Variants in PKNOX1 observed in about 807,000 individuals in gnomAD.
PKNOX1 encodes PBX/knotted 1 homeobox 1, also known as homeobox protein PKNOX1.
In PKNOX1, 15 loss-of-function variants were observed where a neutral mutation model predicts 51.9. The observed-to-expected ratio is 0.29, with a 90% CI of 0.19 to 0.45. PKNOX1 has a LOEUF of 0.45. PKNOX1 is among the 20% of genes least tolerant of loss of function. The pLI is 1.00. For synonymous variants in PKNOX1, 219 were observed against 211.1 expected, an observed-to-expected ratio of 1.04 and a Z score of -0.32; for missense variants, 462 against 547.5, an observed-to-expected ratio of 0.84 and a Z score of 1.56.
chr21:42,995,583 T>TG (rs1282027606), intron 1 of PKNOX1, among the ~76,000 whole-genome samples: 1 of 138,486 alleles, frequency 7.2e-6, no homozygotes, highest in Non-Finnish European at 1.7e-5. Context: ...GAGACTGAAG[T>TG]GTGAGGATTG....
At chr21:43,019,306 T>C (rs56704586) in intron 7 of PKNOX1, among the ~76,000 whole-genome samples, 132,970 of 148,536 alleles carry the variant, frequency 0.9, 59,617 homozygotes, top group Non-Finnish European at 0.91. Flanking sequence ...GCAGGAGAAT[T>C]GCTTGACCTG....
rs1169934237 is a variant in PKNOX1 at position 43,031,187 on chromosome 21, A to T, written c.*1086A>T. 1 of 152,692 alleles carries T rather than the reference A, an allele frequency of 6.5e-6. No homozygotes were observed. The highest frequency in any genetic ancestry group is 2.4e-5 in the African/African-American group (1 of 41,464). 9.5% of individuals were successfully genotyped at this position (152,692 alleles called of 1,614,324 possible). ...AAAATATGTTATGCACAGAATGTTT[A>T]TTATAAACTAATATAAAATGTGCTC... On this transcript the variant is annotated 3_prime_UTR_variant, in exon 11 of 11. Transcript: ENST00000291547.
At chr21:43,017,194 G>A (rs763942865) in intron 6 of PKNOX1, 187 bp downstream of exon 6, 28 of 391,036 alleles carry the variant, frequency 7.2e-5, no homozygotes, top group Admixed American at 2.9e-4. Flanking sequence ...TATGCAGATT[G>A]TGTTTCTTTG....
intron 5 of PKNOX1, among the ~76,000 whole-genome samples, chr21:43,014,251 G>A (rs1043535182): frequency 1.3e-5 from 2 of 152,024 alleles, no homozygotes; most frequent in African/African-American, 2.4e-5. Context: ...TCGATCTCCT[G>A]ACCTCGTGAT....
intron 1 of PKNOX1, among the ~76,000 whole-genome samples, chr21:42,992,758 A>G (rs1372388287): frequency 7.2e-6 from 1 of 139,590 alleles, no homozygotes; most frequent in African/African-American, 2.7e-5. Flanking sequence ...GGGTTCCCTC[A>G]TAGCATTGGG....
chr21:43,012,153 C>A (rs576758369), intron 4 of PKNOX1, among the ~76,000 whole-genome samples: 20 of 152,194 alleles, frequency 1.3e-4, no homozygotes, highest in Admixed American at 6.5e-5. Flanking sequence ...AGATGGGCTT[C>A]GGAGCTGCTG....
At chr21:43,016,211 C>G (rs755865082) in intron 5 of PKNOX1, among the ~76,000 whole-genome samples, 13 of 152,202 alleles carry the variant, frequency 8.5e-5, no homozygotes, top group Non-Finnish European at 1.5e-5. Flanking sequence ...TCTCCCCTGC[C>G]AGCTGCCCAC....
At chr21:43,023,059 T>G (rs1414022454) in intron 8 of PKNOX1, among the ~76,000 whole-genome samples, 1 of 152,074 alleles carries the variant, frequency 6.6e-6, no homozygotes, top group East Asian at 1.9e-4. Flanking sequence ...TTTTTTCCTG[T>G]GGGGCGTCCT....
chr21:42,991,150 TTAAAA>T (rs2059085236), intron 1 of PKNOX1, among the ~76,000 whole-genome samples: 1 of 151,994 alleles, frequency 6.6e-6, no homozygotes, highest in African/African-American at 2.4e-5. Flanking sequence ...TAATATAGTT[TTAAAA>T]TAAAATGAAG....
intron 1 of PKNOX1, among the ~76,000 whole-genome samples, chr21:42,987,913 C>T (rs534784962): frequency 1.8e-4 from 27 of 151,960 alleles, no homozygotes; most frequent in Non-Finnish European, 2.8e-4. Context: ...CCACCGCACC[C>T]GGCCTCTACA....
chr21:43,008,190 T>C (rs1451114630), intron 3 of PKNOX1, among the ~76,000 whole-genome samples: 1 of 152,132 alleles, frequency 6.6e-6, no homozygotes, highest in African/African-American at 2.4e-5. Context: ...GCACAGATGA[T>C]TTTACTGAGA....
intron 1 of PKNOX1, among the ~76,000 whole-genome samples, chr21:42,992,687 G>A (rs1051150161): frequency 7.9e-5 from 12 of 152,058 alleles, no homozygotes; most frequent in African/African-American, 2.9e-4. Flanking sequence ...CACAGGACCT[G>A]GGCTTCTTCA....
At position 42,997,074 on chromosome 21, in the gene PKNOX1, T is replaced by A. The variant is rs557806204; in HGVS notation, c.-56-7252T>A. ...TTTTGTATTTTTAGTAGAGATGGGG[T>A]TTCGCTATTTTGGTCAGGCTGGTTT... is the stretch of plus-strand genomic sequence containing the variant. On this transcript the variant is annotated intron_variant, in intron 1 of 10. Transcript: ENST00000291547. Among the ~76,000 whole-genome samples the A allele has an allele frequency of 2.6e-5, 4 of 152,200 alleles. No individual in the cohort carries two copies. In the East Asian group the frequency reaches 7.7e-4, roughly 29 times the overall value.
Position 43,013,739 on chromosome 21 carries a change from G to A in PKNOX1, c.522+501G>A, listed in dbSNP as rs554776442. Among the ~76,000 whole-genome samples, 21 of 152,170 alleles carry A rather than the reference G, an allele frequency of 1.4e-4. No homozygotes were observed. In the East Asian group the frequency reaches 2.7e-3, roughly 20 times the overall value. ...AGCCCCTGGAACCCACCGTTCTACT[G>A]TCTGTCTCTGTGAATTCGATGACTC... is the stretch of plus-strand genomic sequence containing the variant. On this transcript the variant is annotated intron_variant, in intron 5 of 10. Transcript: ENST00000291547.
In PKNOX1 at chr21:43,032,573, A is replaced by T; in HGVS notation, c.*2472A>T. On this transcript the variant is annotated 3_prime_UTR_variant, in exon 11 of 11. Coordinates refer to ENST00000291547, the MANE Select transcript of PKNOX1 (RefSeq NM_004571.5). Reference sequence around the variant, plus strand: ...TGAGGCTGCAGTGCACTATGCTTGCACCTGTGAATAGCCACTGCACTCCAT... The same window carrying T: ...TGAGGCTGCAGTGCACTATGCTTGCTCCTGTGAATAGCCACTGCACTCCAT... The T allele has an allele frequency of 5.4e-6, 1 of 185,590 alleles. No homozygotes were observed. The highest frequency in any genetic ancestry group is 1.0e-4 in the South Asian group (1 of 9,524). The allele number at this position is 185,590 out of a possible 1,614,324, so 11.5% of individuals were successfully genotyped here. A position where few individuals can be genotyped will look rare whatever the true frequency, so the allele number is the denominator to read the frequency against.
chr21:43,033,309 G>C lies in PKNOX1; in HGVS notation c.*3208G>C. The stretch of plus-strand genomic sequence containing the variant: ...GTGACCTGAGAGTGATCCATCTCCT[G>C]CCTGTGTGAGGTAGCAGTGGGCACT... On this transcript the variant is annotated 3_prime_UTR_variant, in exon 11 of 11. Coordinates refer to ENST00000291547, the MANE Select transcript of PKNOX1 (RefSeq NM_004571.5). 6.5e-6 allele frequency: 1 copy of C among 152,682 alleles called. No individual in the cohort carries two copies. The allele number at this position is 152,682 out of a possible 1,614,324, so 9.5% of individuals were successfully genotyped here. A position where few individuals can be genotyped will look rare whatever the true frequency, so the allele number is the denominator to read the frequency against.
In PKNOX1 at chr21:43,007,776, A is replaced by G; in HGVS notation, c.179+158A>G. On this transcript the variant is annotated intron_variant, in intron 3 of 10. Transcript: ENST00000291547. ...GAAAATTTTCTCAGATTAAGATGTT[A>G]TTTCTGGCCAGGTGTGGTGGCTCAT... The G allele has an allele frequency of 5.4e-6, 4 of 737,916 alleles. No individual in the cohort carries two copies. The South Asian group carries it at 7.3e-5, about 13-fold the overall frequency. The allele number at this position is 737,916 out of a possible 1,614,324, so 45.7% of individuals were successfully genotyped here. A position where few individuals can be genotyped will look rare whatever the true frequency, so the allele number is the denominator to read the frequency against.
chr21:43,008,039 G>C (rs900387814), intron 3 of PKNOX1, among the ~76,000 whole-genome samples: 1 of 135,188 alleles, frequency 7.4e-6, no homozygotes, highest in South Asian at 2.4e-4. Context: ...ACTCCAGCCT[G>C]GGCAACGAGA....
Position 42,987,404 on chromosome 21 carries a change from A to AAAAAAATATATAT in PKNOX1, c.-57+12741_-57+12742insAAAAATATATATA. ...TCTCAAAAAAAAAAAAAAAAAAAAAAATATATATATATATATATATATATG... is the reference window on the plus strand; with the variant it reads ...TCTCAAAAAAAAAAAAAAAAAAAAAAAAAAAATATATATATATATATATATATATATATATATG... On this transcript the variant is annotated intron_variant, in intron 1 of 10. Transcript: ENST00000291547. 1.9e-3 allele frequency among the ~76,000 whole-genome samples: 79 copies of AAAAAAATATATAT among 41,402 alleles called. 1 individual carries two copies. The highest frequency in any genetic ancestry group is 6.9e-3 in the African/African-American group (74 of 10,734). The allele number at this position is 41,402 out of a possible 152,430, so 27.2% of individuals were successfully genotyped here.
Sources: allele counts gnomAD v4.1 joint callset (sites outside exome capture counted in the v4.1 genomes callset), GRCh38; gene constraint gnomAD v4.1.1; transcripts MANE v1.5; gene names NCBI Gene and HGNC (gene_info 2026-07-23, HGNC 2026-07-21).